The following PRSS23 variants were observed in gnomAD, a reference collection of about 807,000 sequenced individuals.
PRSS23 encodes protease, serine 23.
PRSS23 carries 25 observed loss-of-function variants against 34.7 expected under a neutral mutation model. The observed-to-expected ratio is 0.72, with a 90% confidence interval of 0.53 to 1.01. The LOEUF is 1.01. Ranked by LOEUF, PRSS23 falls within the 50% of genes least tolerant of loss-of-function variation. PRSS23 has a pLI of 0.00. For missense variants in PRSS23, 445 were observed against 475.6 expected, an observed-to-expected ratio of 0.94 and a Z score of 0.60; for synonymous variants, 176 against 186.6, an observed-to-expected ratio of 0.94 and a Z score of 0.46.
At chr11:86,877,947 C>G (rs1181844208) in intron 2 of PRSS23, among the ~76,000 whole-genome samples, 1 of 151,110 alleles carries the variant, frequency 6.6e-6, no homozygotes, top group African/African-American at 2.4e-5. Context: ...TGGAGTATTA[C>G]CATGTTGACA....
chr11:86,939,000 T>C lies in PRSS23; in HGVS notation c.207-12216T>C, dbSNP rs75858635. ...ATAGGGAAATTTCTCACTTGATGTA[T>C]TGATGTTTTTCCTCTGCAGAGCTTC... is the stretch of plus-strand genomic sequence containing the variant. On this transcript the variant is annotated intron_variant, in intron 2 of 2. Transcript: ENST00000533902. 9.0e-4 allele frequency: 399 copies of C among 445,252 alleles called. 2 individuals are homozygous for C. The highest frequency in any genetic ancestry group is 7.2e-3 in the African/African-American group (356 of 49,454). 27.6% of individuals were successfully genotyped at this position (445,252 alleles called of 1,614,324 possible). A position where few individuals can be genotyped will look rare whatever the true frequency, so the allele number is the denominator to read the frequency against.
chr11:86,890,474 A>T (rs1948834137), intron 2 of PRSS23, among the ~76,000 whole-genome samples: 1 of 152,212 alleles, frequency 6.6e-6, no homozygotes, highest in African/African-American at 2.4e-5. Flanking sequence ...GGGTAAATGC[A>T]CCTGATAGCA....
At chr11:86,928,705 A>T (rs1245411978) in intron 2 of PRSS23, among the ~76,000 whole-genome samples, 16,885 of 50,690 alleles carry the variant, frequency 0.33, 4,226 homozygotes, top group Non-Finnish European at 0.42. Flanking sequence ...AAAAAAAAAA[A>T]ATTGGCAAGA....
chr11:86,798,843 C>T (rs1166831038), upstream of PRSS23, among the ~76,000 whole-genome samples: 1 of 152,116 alleles, frequency 6.6e-6, no homozygotes, highest in African/African-American at 2.4e-5. Flanking sequence ...CAGGCGTGTG[C>T]CACCACAACT....
chr11:86,918,529 TC>T (rs1455119062), intron 2 of PRSS23, among the ~76,000 whole-genome samples: 1 of 152,224 alleles, frequency 6.6e-6, no homozygotes, highest in Non-Finnish European at 1.5e-5. Context: ...AAAATCCCCA[TC>T]CCCTTCTCTG....
At chr11:86,870,538 T>C (rs1009932160) in intron 2 of PRSS23, among the ~76,000 whole-genome samples, 3 of 152,220 alleles carry the variant, frequency 2.0e-5, no homozygotes, top group Admixed American at 6.5e-5. Flanking sequence ...ATGGTAACAT[T>C]TACTTTTTGT....
intron 2 of PRSS23, chr11:86,934,838 G>A (rs1949150490): frequency 6.6e-6 from 1 of 152,248 alleles, no homozygotes; most frequent in Non-Finnish European, 1.5e-5. Flanking sequence ...AAAGGAGAGA[G>A]GGGATCCTAA....
At chr11:86,867,939 A>G (rs1057072780) in intron 2 of PRSS23, among the ~76,000 whole-genome samples, 21 of 151,904 alleles carry the variant, frequency 1.4e-4, no homozygotes, top group Non-Finnish European at 2.4e-4. Context: ...AAAAGAAGTG[A>G]AGGCCACTGA....
chr11:86,878,654 G>A (rs1252267176), intron 2 of PRSS23, among the ~76,000 whole-genome samples: 1 of 152,054 alleles, frequency 6.6e-6, no homozygotes, highest in Non-Finnish European at 1.5e-5. Context: ...CTCCCAAAGT[G>A]CCGAGATTGC....
intron 2 of PRSS23, among the ~76,000 whole-genome samples, chr11:86,830,620 A>G (rs1948346447): frequency 6.6e-6 from 1 of 152,130 alleles, no homozygotes; most frequent in Admixed American, 6.5e-5. Flanking sequence ...AGCTGTTCCT[A>G]TTCGGCCATC....
chr11:86,923,004 T>C (rs553320234), intron 2 of PRSS23, among the ~76,000 whole-genome samples: 109 of 152,322 alleles, frequency 7.2e-4, no homozygotes, highest in South Asian at 8.3e-4. Context: ...TAGCCCTTTT[T>C]TGGGGCTACT....
At chr11:86,796,636 G>A (rs1364900788), upstream of PRSS23, among the ~76,000 whole-genome samples, 20 of 38,730 alleles carry the variant, frequency 5.2e-4, no homozygotes, top group Non-Finnish European at 1.3e-4. Context: ...GCGAGACTCC[G>A]TCTCAAAAAA....
At chr11:86,932,377 A>C (rs991324036) in intron 2 of PRSS23, among the ~76,000 whole-genome samples, 1 of 152,198 alleles carries the variant, frequency 6.6e-6, no homozygotes, top group Non-Finnish European at 1.5e-5. Flanking sequence ...AAGGAAGCAG[A>C]CTGTCAGTTC....
chr11:86,874,921 C>A (rs1044993777), intron 2 of PRSS23, among the ~76,000 whole-genome samples: 1 of 152,194 alleles, frequency 6.6e-6, no homozygotes, highest in Non-Finnish European at 1.5e-5. Flanking sequence ...TCAGTTGAGA[C>A]TGTGAACCAG....
At chr11:86,939,595 C>T (rs567851218) in intron 2 of PRSS23, among the ~76,000 whole-genome samples, 163 of 150,676 alleles carry the variant, frequency 1.1e-3, no homozygotes, top group African/African-American at 3.4e-3. Flanking sequence ...AATTCCATTG[C>T]GTTTACACTA....
chr11:86,803,905 T>A (rs1298516557), intron 1 of PRSS23, among the ~76,000 whole-genome samples: 1 of 152,150 alleles, frequency 6.6e-6, no homozygotes, highest in Non-Finnish European at 1.5e-5. Context: ...GCATGATTCA[T>A]TTTCCTTTTC....
At chr11:86,941,211 G>A (rs1590937924) in intron 2 of PRSS23, among the ~76,000 whole-genome samples, 1 of 152,182 alleles carries the variant, frequency 6.6e-6, no homozygotes, top group African/African-American at 2.4e-5. Context: ...TGAGACGACA[G>A]CAGTTTAGGA....
At chr11:86,860,349 A>G (rs1049175186) in intron 2 of PRSS23, among the ~76,000 whole-genome samples, 2 of 152,020 alleles carry the variant, frequency 1.3e-5, no homozygotes, top group African/African-American at 4.8e-5. Flanking sequence ...TATTACTCCC[A>G]GTATCAAAGG....
intron 2 of PRSS23, among the ~76,000 whole-genome samples, chr11:86,920,173 T>G (rs1949038729): frequency 6.6e-6 from 1 of 152,194 alleles, no homozygotes; most frequent in African/African-American, 2.4e-5. Context: ...TTTCCAGCAC[T>G]CCTACGAATT....
Sources: allele counts gnomAD v4.1 joint callset (sites outside exome capture counted in the v4.1 genomes callset), GRCh38; gene constraint gnomAD v4.1.1; transcripts MANE v1.5; gene names NCBI Gene and HGNC (gene_info 2026-07-23, HGNC 2026-07-21).